TGM3: variants seen among roughly 807,000 people sequenced by gnomAD.
TGM3 encodes transglutaminase 3.
A neutral mutation model predicts 73.8 loss-of-function variants in TGM3; 52 were observed. That is an observed-to-expected ratio of 0.70 (90% confidence interval 0.56 to 0.89). The LOEUF is 0.89. TGM3 is among the 40% of genes least tolerant of loss of function. The pLI, the probability that TGM3 is intolerant of heterozygous loss-of-function variation, is 0.00. For missense variants in TGM3, 928 were observed against 909.9 expected (o/e 1.02, Z -0.26); for synonymous variants, 372 against 354.9 (o/e 1.05, Z -0.54).
intron 1 of TGM3, among the ~76,000 whole-genome samples, chr20:2,306,284 A>G (rs1305396714): frequency 6.6e-6 from 1 of 152,092 alleles, no homozygotes; most frequent in Non-Finnish European, 1.5e-5. Flanking sequence ...CAAAGAACTC[A>G]TGGTCTAGAA....
At chr20:2,305,592 A>T (rs558995718) in intron 1 of TGM3, among the ~76,000 whole-genome samples, 6 of 152,324 alleles carry the variant, frequency 3.9e-5, no homozygotes, top group African/African-American at 1.4e-4. Flanking sequence ...AAGGCTGATG[A>T]CAAAAGTGAG....
intron 1 of TGM3, among the ~76,000 whole-genome samples, chr20:2,305,825 G>A (rs2084173915): frequency 6.6e-6 from 1 of 152,202 alleles, no homozygotes; most frequent in Admixed American, 6.5e-5. Flanking sequence ...TTCCTTGTCT[G>A]TAAAACAGGA....
chr20:2,298,621 C>T (rs151145707), intron 1 of TGM3, among the ~76,000 whole-genome samples: 1 of 152,348 alleles, frequency 6.6e-6, no homozygotes, highest in Non-Finnish European at 1.5e-5. Flanking sequence ...GGACCTGTAC[C>T]ATTCCCAGCG....
chr20:2,297,768 A>T (rs1230101130), intron 1 of TGM3, among the ~76,000 whole-genome samples: 1 of 152,138 alleles, frequency 6.6e-6, no homozygotes, highest in Non-Finnish European at 1.5e-5. Context: ...TGTTTCTTGG[A>T]TGAATGAATT....
chr20:2,317,266 C>T, intron 6 of TGM3, 21 bp downstream of exon 6: 2 of 1,613,818 alleles, frequency 1.2e-6, no homozygotes, highest in South Asian at 2.2e-5. Flanking sequence ...TGTGGTGTGC[C>T]TTGGCTGGGT....
intron 1 of TGM3, among the ~76,000 whole-genome samples, chr20:2,301,820 C>G (rs112522886): frequency 6.6e-6 from 1 of 152,088 alleles, no homozygotes; most frequent in Non-Finnish European, 1.5e-5. Flanking sequence ...CCTGCCTCAG[C>G]CTACCAAGTA....
At chr20:2,331,026 A>AG (rs1555795629) in intron 9 of TGM3, among the ~76,000 whole-genome samples, 8 of 148,340 alleles carry the variant, frequency 5.4e-5, no homozygotes, top group South Asian at 2.1e-4. Context: ...AAAAAAAAAA[A>AG]AGAGAGAGAA....
chr20:2,335,614 A>C (rs2084345793), intron 11 of TGM3, among the ~76,000 whole-genome samples: 1 of 152,124 alleles, frequency 6.6e-6, no homozygotes, highest in Non-Finnish European at 1.5e-5. Context: ...GCTACTGAGC[A>C]TTTGCTGTGT....
At chr20:2,307,382 C>T (rs2084181581) in intron 1 of TGM3, among the ~76,000 whole-genome samples, 1 of 152,144 alleles carries the variant, frequency 6.6e-6, no homozygotes, top group Non-Finnish European at 1.5e-5. Flanking sequence ...ACCTTTCTCT[C>T]TTCTCCACGC....
At chr20:2,297,151 T>C (rs1031351406) in intron 1 of TGM3, among the ~76,000 whole-genome samples, 1 of 152,148 alleles carries the variant, frequency 6.6e-6, no homozygotes, top group African/African-American at 2.4e-5. Flanking sequence ...TCTCCCTCCC[T>C]CCAGGAGGTG....
intron 12 of TGM3, 46 bp downstream of exon 12, chr20:2,340,033 C>CGGGGGCAGGGGGGGGGGGGGGGGGG: frequency 5.1e-6 from 1 of 196,570 alleles, no homozygotes. Context: ...CGGGAGGGGG[C>CGGGGGCAGGGGGGGGGGGGGGGGGG]GGGGGGGCCC....
At chr20:2,317,292 G>C in intron 6 of TGM3, 47 bp downstream of exon 6, 1 of 1,613,816 alleles carries the variant, frequency 6.2e-7, no homozygotes, top group Non-Finnish European at 8.5e-7. Context: ...GGTGGCAGTG[G>C]GCTATGCCAA....
intron 7 of TGM3, among the ~76,000 whole-genome samples, chr20:2,324,866 T>C (rs989030196): frequency 3.9e-5 from 6 of 152,234 alleles, no homozygotes; most frequent in Admixed American, 3.9e-4. Flanking sequence ...TGCTCAGGTG[T>C]CTTTCCTAGT....
chr20:2,319,960 A>C (rs1449568142), intron 7 of TGM3, among the ~76,000 whole-genome samples: 1 of 152,228 alleles, frequency 6.6e-6, no homozygotes, highest in Non-Finnish European at 1.5e-5. Flanking sequence ...GTCCTTTGCC[A>C]GCTTAAATGT....
intron 1 of TGM3, among the ~76,000 whole-genome samples, chr20:2,305,222 T>G (rs528972598): frequency 3.7e-4 from 47 of 125,674 alleles, no homozygotes; most frequent in African/African-American, 1.1e-3. Context: ...ACGTGGGTAG[T>G]GGGCATAAGG....
chr20:2,315,997 G>A (rs928741300), intron 5 of TGM3, among the ~76,000 whole-genome samples: 2 of 152,148 alleles, frequency 1.3e-5, no homozygotes, highest in African/African-American at 4.8e-5. Context: ...TTTCATCTGC[G>A]ACCCTCTCTT....
chr20:2,300,143 ATGG>A (rs1470859467), intron 1 of TGM3, among the ~76,000 whole-genome samples: 4 of 150,960 alleles, frequency 2.6e-5, no homozygotes, highest in African/African-American at 9.8e-5. Flanking sequence ...AAAGAAAGGA[ATGG>A]AGGGAGGGAG....
In TGM3 at chr20:2,332,835, G is replaced by A. The variant is rs993914636; in HGVS notation, c.1642+525G>A. Among the ~76,000 whole-genome samples the A allele has an allele frequency of 6.6e-6, 1 of 152,096 alleles. No homozygotes were observed. Among genetic ancestry groups the A allele is most frequent in the Admixed American group, 6.5e-5 (1 of 15,272 alleles). On this transcript the variant is annotated intron_variant, in intron 10 of 12. Transcript: ENST00000381458. The surrounding 1 kb of genome is among the most constrained non-coding windows in gnomAD (Gnocchi z 4.4). ...CTCACCCCCACTCCCACAACAAATC[G>A]CTTTTCAAATTTGACCTCAGGAGGG... is the stretch of plus-strand genomic sequence containing the variant.
intron 1 of TGM3, among the ~76,000 whole-genome samples, chr20:2,301,783 C>A (rs986316136): frequency 6.6e-6 from 1 of 152,070 alleles, no homozygotes; most frequent in African/African-American, 2.4e-5. Context: ...CCACTGCAAC[C>A]TCCACCTCCC....
Sources: gnomAD v4.1 joint callset for allele counts (sites outside exome capture counted in the v4.1 genomes callset) on GRCh38, gnomAD v4.1.1 for gene constraint, Gnocchi (gnomAD v3.1) non-coding constraint, MANE v1.5 for transcripts, NCBI Gene and HGNC (gene_info 2026-07-23, HGNC 2026-07-21) for gene names.